The following KBTBD2 variants were observed in gnomAD, a reference collection of about 807,000 sequenced individuals.
The protein encoded by KBTBD2 is kelch repeat and BTB domain-containing protein 2.
A neutral mutation model predicts 57.1 loss-of-function variants in KBTBD2; 17 were observed. The ratio of observed to expected loss-of-function variants is 0.30; its 90% confidence interval spans 0.20 to 0.45. The LOEUF (loss-of-function observed/expected upper bound fraction) is 0.45, where lower values mean the gene tolerates loss of function less well. Ranked by LOEUF, KBTBD2 falls within the 20% of genes least tolerant of loss-of-function variation. KBTBD2 has a pLI of 1.00. For synonymous variants in KBTBD2, 267 were observed against 262.7 expected, an observed-to-expected ratio of 1.02 and a Z score of -0.16; for missense variants, 515 against 750.6, an observed-to-expected ratio of 0.69 and a Z score of 3.67.
intron 1 of KBTBD2, among the ~76,000 whole-genome samples, chr7:32,880,235 T>C (rs552011459): frequency 6.6e-6 from 1 of 152,140 alleles, no homozygotes; most frequent in African/African-American, 2.4e-5. Flanking sequence ...TCTTTCAAAA[T>C]AGACAACTTA....
In KBTBD2 at chr7:32,870,003, T is replaced by A. The variant is rs774395945; in HGVS notation, c.1214A>T (p.Glu405Val). Residue 405 changes from glutamate to valine, a missense_variant, in exon 4 of 4, where the codon GAG becomes GTG. Physicochemically the swap from Glu to Val is moderately radical, Grantham distance 121 (BLOSUM62 -2). Coordinates refer to ENST00000304056, the MANE Select transcript of KBTBD2 (RefSeq NM_015483.3). ...NRRTVERYDT[E>V]KDEWTMVSPL... is the part of the protein sequence containing the mutation. ...GCTTACCATCGTCCACTCATCTTTC[T>A]CAGTGTCGTATCTTTCTACGGTCCT... is the stretch of plus-strand genomic sequence containing the variant. The A allele has an allele frequency of 1.2e-6, 2 of 1,614,184 alleles. No homozygotes were observed. Among genetic ancestry groups the A allele is most frequent in the South Asian group, 1.1e-5 (1 of 91,086 alleles).
chr7:32,881,667 G>T (rs918264647), intron 1 of KBTBD2, among the ~76,000 whole-genome samples: 3 of 152,182 alleles, frequency 2.0e-5, no homozygotes, highest in Non-Finnish European at 4.4e-5. Context: ...TGCTCTTCCA[G>T]AACAGCATGT....
intron 1 of KBTBD2, among the ~76,000 whole-genome samples, chr7:32,881,186 T>A (rs917839651): frequency 6.6e-6 from 1 of 151,892 alleles, no homozygotes; most frequent in African/African-American, 2.4e-5. Context: ...ACAAATAATG[T>A]TGGAAGTGGC....
intron 1 of KBTBD2, among the ~76,000 whole-genome samples, chr7:32,886,663 T>G (rs1784589464): frequency 6.6e-6 from 1 of 152,136 alleles, no homozygotes; most frequent in South Asian, 2.1e-4. Flanking sequence ...CAAATTTAAG[T>G]TGGTTGTCTG....
chr7:32,872,874 G>C (rs1056213563), intron 3 of KBTBD2, among the ~76,000 whole-genome samples: 3 of 152,124 alleles, frequency 2.0e-5, no homozygotes. Flanking sequence ...GGCTGAACTG[G>C]ATTTCTGGTC....
At chr7:32,884,968 A>ATGTG (rs200344166) in intron 1 of KBTBD2, among the ~76,000 whole-genome samples, 2 of 134,516 alleles carry the variant, frequency 1.5e-5, no homozygotes, top group African/African-American at 2.8e-5. Flanking sequence ...ATATGTGTGT[A>ATGTG]TGTGTGTGTA....
rs141061865 is a variant in KBTBD2 at position 32,869,644 on chromosome 7, C to T, written c.1573G>A (p.Val525Ile). 5.8e-5 allele frequency: 93 copies of T among 1,613,996 alleles called. No homozygotes were observed. The highest frequency in any genetic ancestry group is 7.8e-5 in the Non-Finnish European group (92 of 1,180,018). Residue 525 changes from valine (V) to isoleucine (I), a missense_variant, in exon 4 of 4, where the codon GTT (valine) becomes ATT (isoleucine). Physicochemically the swap from Val to Ile is conservative, Grantham distance 29. Transcript: ENST00000304056. Reference protein sequence around the residue: ...IPAKRYSDPCVRAVVISNSLC... With the variant: ...IPAKRYSDPCIRAVVISNSLC... Reference sequence around the variant, plus strand: ...GAATTTGAGATCACAACAGCTCTAACACAGGGGTCAGAGTACCTCTTAGCA... The same window carrying T: ...GAATTTGAGATCACAACAGCTCTAATACAGGGGTCAGAGTACCTCTTAGCA...
intron 1 of KBTBD2, among the ~76,000 whole-genome samples, chr7:32,885,397 C>T (rs1311423376): frequency 6.6e-6 from 1 of 150,606 alleles, no homozygotes; most frequent in Non-Finnish European, 1.5e-5. Flanking sequence ...CACACAACTG[C>T]TTTCCCCAAT....
intron 2 of KBTBD2, among the ~76,000 whole-genome samples, chr7:32,875,740 T>G (rs1000214870): frequency 1.3e-5 from 2 of 151,930 alleles, no homozygotes; most frequent in Non-Finnish European, 2.9e-5. Context: ...TAATATATAC[T>G]TTAACATAAA....
chr7:32,878,334 A>ACAGCG (rs1784364514), intron 2 of KBTBD2, among the ~76,000 whole-genome samples: 1 of 152,106 alleles, frequency 6.6e-6, no homozygotes, highest in African/African-American at 2.4e-5. Flanking sequence ...TAATCCCAGC[A>ACAGCG]CTTCGGGAGG....
chr7:32,883,817 C>G (rs900787509), intron 1 of KBTBD2, among the ~76,000 whole-genome samples: 4 of 152,212 alleles, frequency 2.6e-5, no homozygotes, highest in African/African-American at 7.2e-5. Context: ...AAGCCAAACA[C>G]TAAAGCTCCA....
chr7:32,874,392 TCC>T (rs1268746521), intron 3 of KBTBD2: 4 of 150,350 alleles, frequency 2.7e-5, no homozygotes, highest in Non-Finnish European at 5.9e-5. Flanking sequence ...AGAATGATAC[TCC>T]GTCTCAAAAA....
At chr7:32,890,583 T>A (rs1784707414) in intron 1 of KBTBD2, among the ~76,000 whole-genome samples, 1 of 152,188 alleles carries the variant, frequency 6.6e-6, no homozygotes, top group African/African-American at 2.4e-5. Flanking sequence ...TGATAGGGTT[T>A]CGTTTCTCAA....
At position 32,870,241 on chromosome 7, in the gene KBTBD2, GA is replaced by G; in HGVS notation, c.975del (p.Pro326LeufsTer2). 1 of 1,614,062 alleles carries G rather than the reference GA, an allele frequency of 6.2e-7. No individual in the cohort carries two copies. ...TGATTTGTTTTTGTGTTTTTCAGAG[GA>G]ACTTGACCCCCTGCTATGTAGATAT... ...DNDIYIAGGQVPLKNTKTNHS... is the reference protein window; with the variant it reads ...DNDIYIAGGQXPLKNTKTNHS... On this transcript the variant is annotated frameshift_variant, in exon 4 of 4. Coordinates refer to ENST00000304056, the MANE Select transcript of KBTBD2 (RefSeq NM_015483.3). LOFTEE classifies it high-confidence loss of function.
At chr7:32,888,669 TG>T (rs1784644322) in intron 1 of KBTBD2, among the ~76,000 whole-genome samples, 1 of 146,268 alleles carries the variant, frequency 6.8e-6, no homozygotes, top group Non-Finnish European at 1.5e-5. Context: ...CACTCCAGCC[TG>T]GGCGACACAG....
At chr7:32,891,296 A>T (rs1391654667) in intron 1 of KBTBD2, 3 of 148,360 alleles carry the variant, frequency 2.0e-5, no homozygotes, top group East Asian at 2.0e-4. Context: ...TTCCCCGCGG[A>T]CCTGCCCGGA....
intron 1 of KBTBD2, among the ~76,000 whole-genome samples, chr7:32,886,005 T>C (rs1245368019): frequency 6.6e-6 from 1 of 150,516 alleles, no homozygotes; most frequent in East Asian, 2.0e-4. Context: ...ACCACCCGGG[T>C]TCAAGCAATT....
intron 1 of KBTBD2, among the ~76,000 whole-genome samples, chr7:32,884,390 T>A (rs561631367): frequency 3.0e-3 from 379 of 125,796 alleles, no homozygotes; most frequent in Non-Finnish European, 4.8e-3. Context: ...ATTTTTAATT[T>A]AAAAAAAAAA....
At chr7:32,886,508 T>TAA (rs1562538220) in intron 1 of KBTBD2, among the ~76,000 whole-genome samples, 2 of 152,158 alleles carry the variant, frequency 1.3e-5, no homozygotes, top group Admixed American at 6.6e-5. Flanking sequence ...AGAGATGACT[T>TAA]AAAGTATTGG....
Sources: gnomAD v4.1 joint callset for allele counts (sites outside exome capture counted in the v4.1 genomes callset) on GRCh38, gnomAD v4.1.1 for gene constraint, MANE v1.5 for transcripts, NCBI Gene and HGNC (gene_info 2026-07-23, HGNC 2026-07-21) for gene names.